The following ARHGAP32 variants were observed in gnomAD, a reference collection of about 807,000 sequenced individuals.
The protein encoded by ARHGAP32 is rho GTPase-activating protein 32.
In ARHGAP32, 51 loss-of-function variants were observed where a neutral mutation model predicts 186.5. The ratio of observed to expected loss-of-function variants is 0.27; its 90% CI spans 0.22 to 0.35. The LOEUF (loss-of-function observed/expected upper bound fraction) is 0.35, where lower values mean the gene tolerates loss of function less well. Ranked by LOEUF, ARHGAP32 falls within the 10% of genes least tolerant of loss-of-function variation. The pLI, the probability that ARHGAP32 is intolerant of heterozygous loss-of-function variation, is 1.00. For missense variants in ARHGAP32, 2,186 were observed against 2,623.5 expected, an observed-to-expected ratio of 0.83 and a Z score of 3.64; for synonymous variants, 950 against 964.3, an observed-to-expected ratio of 0.99 and a Z score of 0.27.
intron 5 of ARHGAP32, among the ~76,000 whole-genome samples, chr11:129,105,887 A>T (rs2135318780): frequency 1.3e-5 from 2 of 152,306 alleles, no homozygotes; most frequent in Middle Eastern, 3.4e-3. Context: ...TGGACAAAGA[A>T]ATAAGGGAAA....
intron 1 of ARHGAP32, among the ~76,000 whole-genome samples, chr11:129,208,780 T>C (rs1342256960): frequency 3.3e-5 from 5 of 151,440 alleles, no homozygotes. Context: ...TAAACTAATA[T>C]CGCAGTTTAC....
intron 11 of ARHGAP32, among the ~76,000 whole-genome samples, 175 bp from the exon 12 acceptor site, chr11:128,998,643 C>T (rs1946265193): frequency 6.6e-6 from 1 of 152,188 alleles, no homozygotes; most frequent in East Asian, 1.9e-4. Context: ...TTATAAATAA[C>T]ATCATAATTT....
intron 2 of ARHGAP32, among the ~76,000 whole-genome samples, chr11:129,144,609 G>C (rs1164304625): frequency 6.6e-6 from 1 of 152,086 alleles, no homozygotes; most frequent in Non-Finnish European, 1.5e-5. Flanking sequence ...CCAGAAACAG[G>C]AATCAAAGAA....
intron 10 of ARHGAP32, among the ~76,000 whole-genome samples, chr11:129,053,585 G>C (rs532322671): frequency 8.0e-4 from 122 of 152,216 alleles, no homozygotes; most frequent in African/African-American, 2.8e-3. Context: ...CAGAAACTCT[G>C]CAATATACAG....
In ARHGAP32 at chr11:129,200,649, G is replaced by A. The variant is rs956788659; in HGVS notation, c.-4-36222C>T. ...ATGTCTTTATCAGCAGCATGAAAAT[G>A]GACTAATACAACAAGCAACTTAAAT... On this transcript the variant is annotated intron_variant, in intron 1 of 6. Transcript: ENST00000525234. Among the ~76,000 whole-genome samples, 3 of 151,930 alleles carry A rather than the reference G, an allele frequency of 2.0e-5. No homozygotes were observed. In the East Asian group the frequency reaches 5.8e-4, roughly 29 times the overall value.
intron 6 of ARHGAP32, among the ~76,000 whole-genome samples, chr11:129,092,944 C>CT (rs1214603177): frequency 1.3e-5 from 2 of 151,940 alleles, no homozygotes; most frequent in African/African-American, 4.8e-5. Context: ...AATAAAAGAA[C>CT]TATACTAAGT....
rs542143851 is a variant in ARHGAP32, at chr11:129,091,014, G to C, written c.531+2607C>G. ...ACAGACACCTTTGTTCGTTTACTCA[G>C]AGAACAGAATAAAAAGATAAGGGAG... On this transcript the variant is annotated intron_variant, in intron 6 of 22. Coordinates refer to ENST00000682385, the MANE Select transcript of ARHGAP32 (RefSeq NM_001378024.1). Among the ~76,000 whole-genome samples the C allele has an allele frequency of 1.2e-3, 181 of 152,182 alleles. 3 individuals are homozygous for C. The highest frequency in any genetic ancestry group is 4.2e-3 in the African/African-American group (176 of 41,524).
At chr11:129,018,788 C>A (rs1938471672) in intron 11 of ARHGAP32, among the ~76,000 whole-genome samples, 1 of 152,002 alleles carries the variant, frequency 6.6e-6, no homozygotes, top group Admixed American at 6.6e-5. Context: ...GGCAAGATTT[C>A]AATATGCAAT....
intron 1 of ARHGAP32, among the ~76,000 whole-genome samples, chr11:129,266,048 A>C (rs1417401022): frequency 6.6e-6 from 1 of 152,188 alleles, no homozygotes; most frequent in East Asian, 1.9e-4. Flanking sequence ...AAAACAATGT[A>C]ACAAAATTTG....
chr11:129,225,646 T>C (rs1944771524), intron 1 of ARHGAP32, among the ~76,000 whole-genome samples: 1 of 152,132 alleles, frequency 6.6e-6, no homozygotes, highest in Admixed American at 6.6e-5. Context: ...CAAATATGAT[T>C]TTCAAAGTTG....
In ARHGAP32 at chr11:128,972,827, G is replaced by A. The variant is rs1177899537; in HGVS notation, c.3679C>T (p.Pro1227Ser). 1.2e-6 allele frequency: 2 copies of A among 1,613,838 alleles called. No individual in the cohort carries two copies. The highest frequency in any genetic ancestry group is 1.7e-5 in the Admixed American group (1 of 59,982). ...SPPRFYSGDQ[P>S]PSYLGASVDK... ...ACACTTGCACCAAGATAAGAAGGAG[G>A]CTGATCTCCACTGTAGAAACGGGGT... Residue 1227 changes from proline to serine, a missense_variant, in exon 22 of 23, where the codon CCT (proline) becomes TCT (serine). This residue lies in a region of ARHGAP32 where 1,502 missense variants were observed against 1,570.0 expected (regional missense o/e 0.96). Coordinates refer to ENST00000682385, the MANE Select transcript of ARHGAP32 (RefSeq NM_001378024.1).
chr11:129,118,568 A>C (rs1942436071), intron 5 of ARHGAP32, among the ~76,000 whole-genome samples: 1 of 152,062 alleles, frequency 6.6e-6, no homozygotes, highest in African/African-American at 2.4e-5. Flanking sequence ...AATTGATCTA[A>C]GGAGATACAA....
chr11:129,011,534 C>T (rs1938080504), intron 11 of ARHGAP32, among the ~76,000 whole-genome samples: 1 of 152,046 alleles, frequency 6.6e-6, no homozygotes, highest in South Asian at 2.1e-4. Context: ...GGGTAGGGAG[C>T]CACGGGACAG....
intron 2 of ARHGAP32, among the ~76,000 whole-genome samples, chr11:129,162,854 T>C (rs551775375): frequency 6.6e-6 from 1 of 152,266 alleles, no homozygotes; most frequent in Admixed American, 6.5e-5. Flanking sequence ...CTACTGTCCA[T>C]GCATCCCAAA....
chr11:128,980,059 C>T (rs1268544541), intron 18 of ARHGAP32, among the ~76,000 whole-genome samples: 1 of 152,200 alleles, frequency 6.6e-6, no homozygotes, highest in Non-Finnish European at 1.5e-5. Flanking sequence ...TGGGGTGTGA[C>T]TGGACGACTG....
chr11:129,247,878 A>C (rs1165693105), intron 1 of ARHGAP32, among the ~76,000 whole-genome samples: 5 of 152,202 alleles, frequency 3.3e-5, no homozygotes, highest in Non-Finnish European at 7.3e-5. Context: ...CAGTCAATGG[A>C]AATTTTTCTT....
At chr11:129,146,727 A>T (rs1270794701) in intron 2 of ARHGAP32, among the ~76,000 whole-genome samples, 1 of 152,042 alleles carries the variant, frequency 6.6e-6, no homozygotes, top group African/African-American at 2.4e-5. Context: ...GACTATAATA[A>T]ATATAAAACT....
chr11:129,249,585 T>C (rs1414978226), intron 1 of ARHGAP32, among the ~76,000 whole-genome samples: 1 of 152,160 alleles, frequency 6.6e-6, no homozygotes, highest in African/African-American at 2.4e-5. Context: ...TTCTACCACA[T>C]GAAAATCTAT....
At chr11:129,249,574 T>G (rs532907335) in intron 1 of ARHGAP32, among the ~76,000 whole-genome samples, 2 of 152,266 alleles carry the variant, frequency 1.3e-5, no homozygotes, top group East Asian at 3.9e-4. Context: ...GTAGACTCAT[T>G]TTCTACCACA....
Sources: allele counts gnomAD v4.1 joint callset (sites outside exome capture counted in the v4.1 genomes callset), GRCh38; gene constraint gnomAD v4.1.1; regional missense constraint gnomAD v4.1.1; transcripts MANE v1.5; gene names NCBI Gene and HGNC (gene_info 2026-07-23, HGNC 2026-07-21).